The following GCNT1 variants were observed in gnomAD, a reference collection of about 807,000 sequenced individuals.
The protein encoded by GCNT1 is beta-1,3-galactosyl-O-glycosyl-glycoprotein beta-1,6-N-acetylglucosaminyltransferase.
In GCNT1, 16 loss-of-function variants were observed where a neutral mutation model predicts 26.2. The ratio of observed to expected loss-of-function variants is 0.61; its 90% CI spans 0.41 to 0.93. The LOEUF (loss-of-function observed/expected upper bound fraction) is 0.93. GCNT1 is among the 40% of genes least tolerant of loss of function. GCNT1 has a pLI of 0.00. For synonymous variants in GCNT1, 183 were observed against 190.8 expected (o/e 0.96, Z 0.34); for missense variants, 477 against 526.7 (o/e 0.91, Z 0.92).
At chr9:76,487,715 C>A (rs1412370075) in intron 2 of GCNT1, among the ~76,000 whole-genome samples, 2 of 151,992 alleles carry the variant, frequency 1.3e-5, no homozygotes, top group African/African-American at 4.8e-5. Flanking sequence ...ATTCTTACAT[C>A]CTCCCCTTTC....
the GCNT1 span, chr9:76,394,228 C>T: frequency 1.2e-5 from 18 of 1,519,196 alleles, no homozygotes; most frequent in Non-Finnish European, 1.5e-5. Context: ...TGCGGAGCCG[C>T]CGTCGACGCG....
At position 76,503,251 on chromosome 9, in the gene GCNT1, G is replaced by A; in HGVS notation, c.870G>A (p.Val290=). The A allele has an allele frequency of 6.2e-7, 1 of 1,614,020 alleles. No individual in the cohort carries two copies. The highest frequency in any genetic ancestry group is 1.1e-5 in the South Asian group (1 of 91,066). Residue 290 remains valine, a synonymous_variant, in exon 4 of 4, where the codon GTG becomes GTA. Coordinates refer to ENST00000376730, the MANE Select transcript of GCNT1 (RefSeq NM_001490.5). ...TPLFSGSAYF[V]VSREYVGYVL... ...TCTTTTCTGGCAGTGCCTACTTCGTGGTCAGTAGGGAGTATGTGGGGTATG... is the reference window on the plus strand; with the variant it reads ...TCTTTTCTGGCAGTGCCTACTTCGTAGTCAGTAGGGAGTATGTGGGGTATG...
At chr9:76,489,083 C>T (rs1417277029) in intron 2 of GCNT1, among the ~76,000 whole-genome samples, 8 of 152,290 alleles carry the variant, frequency 5.3e-5, no homozygotes, top group South Asian at 2.1e-4. Context: ...CAGGGTTCAG[C>T]TGGAACAGTT....
chr9:76,503,879 G>T lies in GCNT1; in HGVS notation c.*211G>T. On this transcript the variant is annotated 3_prime_UTR_variant, in exon 4 of 4. Coordinates refer to ENST00000376730, the MANE Select transcript of GCNT1 (RefSeq NM_001490.5). ...ATTAAATGTTCATCTAGAGTTAATAGTGGGAGGAGTAAAGGTAGCCTTGAG... is the reference window on the plus strand; with the variant it reads ...ATTAAATGTTCATCTAGAGTTAATATTGGGAGGAGTAAAGGTAGCCTTGAG... 1 of 572,008 alleles carries T rather than the reference G, an allele frequency of 1.7e-6. No individual in the cohort carries two copies. The highest frequency in any genetic ancestry group is 3.2e-6 in the Non-Finnish European group (1 of 310,984). The allele number at this position is 572,008 out of a possible 1,614,324, so 35.4% of individuals were successfully genotyped here.
At chr9:76,479,705 GTTGT>G (rs1170458158) in intron 2 of GCNT1, among the ~76,000 whole-genome samples, 4 of 152,154 alleles carry the variant, frequency 2.6e-5, no homozygotes, top group East Asian at 1.9e-4. Context: ...TGTTGATGGG[GTTGT>G]TTGTTTTTGT....
intron 2 of GCNT1, among the ~76,000 whole-genome samples, chr9:76,465,446 C>T (rs1042963841): frequency 2.0e-5 from 3 of 152,094 alleles, no homozygotes; most frequent in African/African-American, 4.8e-5. Context: ...GTAAAATGAT[C>T]GCTGTTGCTG....
At chr9:76,406,847 C>T in the GCNT1 span, among the ~76,000 whole-genome samples, 2 of 152,018 alleles carry the variant, frequency 1.3e-5, no homozygotes, top group African/African-American at 4.8e-5. Flanking sequence ...TAGAGACCAT[C>T]CTGACCAACA....
intron 1 of GCNT1, among the ~76,000 whole-genome samples, chr9:76,449,005 T>C (rs890849552): frequency 2.6e-5 from 4 of 152,164 alleles, no homozygotes; most frequent in African/African-American, 9.7e-5. Context: ...TGGAAACATC[T>C]TTCTGAAACA....
chr9:76,453,897 A>C (rs1299966096), intron 1 of GCNT1, among the ~76,000 whole-genome samples: 1 of 152,134 alleles, frequency 6.6e-6, no homozygotes, highest in Non-Finnish European at 1.5e-5. Context: ...ACTGTCAAAT[A>C]AAAACCAAAT....
the GCNT1 span, among the ~76,000 whole-genome samples, chr9:76,408,684 T>G: frequency 6.6e-6 from 1 of 152,146 alleles, no homozygotes; most frequent in Non-Finnish European, 1.5e-5. Context: ...TTCTATTTTC[T>G]TTTCTTCTTC....
At chr9:76,423,894 C>G (rs1823230315) in intron 1 of GCNT1, among the ~76,000 whole-genome samples, 1 of 152,164 alleles carries the variant, frequency 6.6e-6, no homozygotes, top group Non-Finnish European at 1.5e-5. Flanking sequence ...TTTGTTAGAT[C>G]AAAGGCTTGC....
chr9:76,422,047 C>T (rs1306449781), intron 1 of GCNT1, among the ~76,000 whole-genome samples: 2 of 151,994 alleles, frequency 1.3e-5, no homozygotes, highest in Admixed American at 1.3e-4. Flanking sequence ...CACAGGGCAG[C>T]AGGAGAGAGA....
chr9:76,493,169 C>G (rs986553340), intron 2 of GCNT1, among the ~76,000 whole-genome samples: 1 of 152,144 alleles, frequency 6.6e-6, no homozygotes, highest in Non-Finnish European at 1.5e-5. Flanking sequence ...CTTCATCCTT[C>G]TAGAACACAG....
upstream of GCNT1, among the ~76,000 whole-genome samples, chr9:76,417,109 A>T (rs924583838): frequency 6.6e-6 from 1 of 152,204 alleles, no homozygotes; most frequent in South Asian, 2.1e-4. Context: ...CTTAAATCTA[A>T]ACAATGAGTT....
Position 76,505,997 on chromosome 9 carries a change from G to A in GCNT1, c.*2329G>A, listed in dbSNP as rs540984341. On this transcript the variant is annotated 3_prime_UTR_variant, in exon 4 of 4. Transcript: ENST00000376730. ...TCAAACACTATCCCTAATGCCTGCG[G>A]CAGAATTTATATACGATCCATTCAT... 18 of 166,960 alleles carry A rather than the reference G, an allele frequency of 1.1e-4. No individual in the cohort carries two copies. Among genetic ancestry groups the A allele is most frequent in the Non-Finnish European group, 2.5e-4 (17 of 68,128 alleles). The allele number at this position is 166,960 out of a possible 1,614,324, so 10.3% of individuals were successfully genotyped here. A position where few individuals can be genotyped will look rare whatever the true frequency, so the allele number is the denominator to read the frequency against.
intron 2 of GCNT1, among the ~76,000 whole-genome samples, chr9:76,467,285 A>G (rs887749525): frequency 2.6e-4 from 40 of 151,886 alleles, no homozygotes; most frequent in African/African-American, 8.7e-4. Context: ...CTAGTGATCC[A>G]CCCGCCTTGG....
intron 2 of GCNT1, among the ~76,000 whole-genome samples, chr9:76,497,668 C>G (rs967980650): frequency 1.3e-5 from 2 of 152,026 alleles, no homozygotes; most frequent in African/African-American, 4.8e-5. Flanking sequence ...TGGTTTTGAA[C>G]TTTGTATTTT....
intron 1 of GCNT1, among the ~76,000 whole-genome samples, chr9:76,423,790 T>C (rs1823229296): frequency 6.6e-6 from 1 of 152,256 alleles, no homozygotes; most frequent in African/African-American, 2.4e-5. Flanking sequence ...ATTGATTTAA[T>C]GCCATCATTA....
At chr9:76,425,206 A>C (rs112605989) in intron 1 of GCNT1, among the ~76,000 whole-genome samples, 13,336 of 150,688 alleles carry the variant, frequency 0.089, 880 homozygotes, top group African/African-American at 0.18. Flanking sequence ...CGTCACCCAA[A>C]GCTAGTAAGG....
Sources: gnomAD v4.1 joint callset for allele counts (sites outside exome capture counted in the v4.1 genomes callset) on GRCh38, gnomAD v4.1.1 for gene constraint, MANE v1.5 for transcripts, NCBI Gene and HGNC (gene_info 2026-07-23, HGNC 2026-07-21) for gene names.